The following RAP1GAP2 variants were observed in gnomAD, a reference collection of about 807,000 sequenced individuals.
The protein encoded by RAP1GAP2 is rap1 GTPase-activating protein 2.
In RAP1GAP2, 27 loss-of-function variants were observed where a neutral mutation model predicts 95.0. The observed-to-expected ratio is 0.28, with a 90% CI of 0.21 to 0.39. RAP1GAP2 has a LOEUF of 0.39. Among genes scored for constraint, RAP1GAP2 ranks in the 10% least tolerant of loss-of-function variants. RAP1GAP2 has a pLI of 1.00. For missense variants in RAP1GAP2, 771 were observed against 970.0 expected (o/e 0.79, Z 2.72); for synonymous variants, 373 against 380.9 (o/e 0.98, Z 0.24).
intron 1 of RAP1GAP2, among the ~76,000 whole-genome samples, chr17:2,799,306 G>C (rs1415988674): frequency 6.6e-6 from 1 of 152,218 alleles, no homozygotes; most frequent in African/African-American, 2.4e-5. Flanking sequence ...GAGGACGTGT[G>C]AGGAAGAAAC....
intron 1 of RAP1GAP2, among the ~76,000 whole-genome samples, chr17:2,780,376 G>A (rs2068616505): frequency 1.3e-5 from 2 of 152,172 alleles, no homozygotes; most frequent in South Asian, 2.1e-4. Context: ...TTTTTTCCAC[G>A]GTGTCCACCT....
chr17:2,901,107 A>C (rs1034345143), intron 2 of RAP1GAP2, among the ~76,000 whole-genome samples: 3 of 152,104 alleles, frequency 2.0e-5, no homozygotes, highest in Admixed American at 6.5e-5. Flanking sequence ...TTTCCTCCAG[A>C]GATTTGCATT....
In RAP1GAP2 at chr17:3,004,034, GCTGGGGCTGCCCT is replaced by G. The variant is rs2046254720; in HGVS notation, c.1201-1330_1201-1318del. On this transcript the variant is annotated intron_variant, in intron 14 of 24. Coordinates refer to ENST00000254695, the MANE Select transcript of RAP1GAP2 (RefSeq NM_015085.5). This position sits in a 1 kb window ranked among gnomAD's most constrained non-coding sequence, Gnocchi z 4.1. ...GGGGGAGTGGGGTGGGAAGGGCAGA[GCTGGGGCTGCCCT>G]CTGGCCTCTGTCCCAGGTGCCCACG... Among the ~76,000 whole-genome samples the G allele has an allele frequency of 6.6e-6, 1 of 152,162 alleles. No individual in the cohort carries two copies. The highest frequency in any genetic ancestry group is 2.1e-4 in the South Asian group (1 of 4,834).
chr17:2,784,194 C>A (rs1400898234), intron 1 of RAP1GAP2, among the ~76,000 whole-genome samples: 2 of 151,940 alleles, frequency 1.3e-5, no homozygotes, highest in Non-Finnish European at 2.9e-5. Context: ...AGGATGGTCT[C>A]GAATTCCTGA....
chr17:2,820,892 G>GTTTT (rs59814346), intron 2 of RAP1GAP2, among the ~76,000 whole-genome samples: 2 of 104,090 alleles, frequency 1.9e-5, no homozygotes, highest in East Asian at 2.6e-4. Context: ...CCGGATAATG[G>GTTTT]TTTTTTTTTT....
Position 3,033,122 on chromosome 17 carries a change from CA to C in RAP1GAP2, c.*31-269del, listed in dbSNP as rs1468185286. 6.5e-6 allele frequency: 1 copy of C among 152,798 alleles called. No homozygotes were observed. The allele number at this position is 152,798 out of a possible 1,614,324, so 9.5% of individuals were successfully genotyped here. A position where few individuals can be genotyped will look rare whatever the true frequency, so the allele number is the denominator to read the frequency against. On this transcript the variant is annotated intron_variant, in intron 24 of 24. Transcript: ENST00000254695. This position sits in a 1 kb window ranked among gnomAD's most constrained non-coding sequence, Gnocchi z 4.9. ...GTGTTCAACCTGATTTATGAAAAAG[CA>C]GAAGACAAATGGGCATATGGACCTT...
intron 3 of RAP1GAP2, among the ~76,000 whole-genome samples, chr17:2,931,280 T>TGTGTGTGTGTG (rs2043143190): frequency 0.013 from 1,946 of 146,748 alleles, 51 homozygotes; most frequent in African/African-American, 0.047. Flanking sequence ...TGAGTGTTTC[T>TGTGTGTGTGTG]TGTGTGTGTG....
intron 17 of RAP1GAP2, among the ~76,000 whole-genome samples, chr17:3,013,627 C>CTT (rs71377568): frequency 0.086 from 6,570 of 76,658 alleles, 637 homozygotes; most frequent in African/African-American, 0.095. Context: ...CTTTTCTTTT[C>CTT]TTTTCTTTTT....
chr17:2,804,718 T>C (rs553971970), intron 2 of RAP1GAP2, among the ~76,000 whole-genome samples: 1 of 152,268 alleles, frequency 6.6e-6, no homozygotes, highest in South Asian at 2.1e-4. Flanking sequence ...AGGATTTACT[T>C]AACTGCAGTG....
chr17:2,983,343 C>G (rs1026733310), intron 10 of RAP1GAP2, among the ~76,000 whole-genome samples: 11 of 152,044 alleles, frequency 7.2e-5, no homozygotes, highest in Non-Finnish European at 1.2e-4. Context: ...TTGAACCTTT[C>G]ACACTGGTGC....
Position 2,855,697 on chromosome 17 carries a change from C to T in RAP1GAP2, c.81-49587C>T, listed in dbSNP as rs2072104614. Among the ~76,000 whole-genome samples the T allele has an allele frequency of 6.6e-6, 1 of 152,210 alleles. No individual in the cohort carries two copies. Among genetic ancestry groups the T allele is most frequent in the South Asian group, 2.1e-4 (1 of 4,832 alleles). The stretch of plus-strand genomic sequence containing the variant: ...GCGCCATCTCGGCCCACTGCAACCT[C>T]CACCTCCTGGGCTCAAACAATTCTC... On this transcript the variant is annotated intron_variant, in intron 2 of 24. Coordinates refer to ENST00000254695, the MANE Select transcript of RAP1GAP2 (RefSeq NM_015085.5). The surrounding 1 kb of genome is among the most constrained non-coding windows in gnomAD (Gnocchi z 4.3).
intron 3 of RAP1GAP2, among the ~76,000 whole-genome samples, chr17:2,912,726 A>G (rs2042430825): frequency 6.6e-6 from 1 of 152,140 alleles, no homozygotes; most frequent in Non-Finnish European, 1.5e-5. Flanking sequence ...CGCTCCGGAC[A>G]TGGTTGGGAT....
At chr17:2,929,975 C>T (rs998233537) in intron 3 of RAP1GAP2, among the ~76,000 whole-genome samples, 1 of 152,228 alleles carries the variant, frequency 6.6e-6, no homozygotes, top group Non-Finnish European at 1.5e-5. Flanking sequence ...CTCCCGGAGC[C>T]ACCTGCTCAC....
chr17:2,853,177 CG>C (rs1483479828), intron 2 of RAP1GAP2, among the ~76,000 whole-genome samples: 8 of 152,166 alleles, frequency 5.3e-5, no homozygotes, highest in African/African-American at 1.9e-4. Context: ...TGCGGGGAGG[CG>C]GGGGCAGAAT....
At chr17:2,969,179 C>CTATCTATCTATATA (rs1555581850) in intron 8 of RAP1GAP2, among the ~76,000 whole-genome samples, 99 of 143,220 alleles carry the variant, frequency 6.9e-4, no homozygotes, top group African/African-American at 2.3e-3. Context: ...ATCTATCTAT[C>CTATCTATCTATATA]TATATATATA....
intron 2 of RAP1GAP2, chr17:2,770,545 A>G (rs2068370157): frequency 5.0e-6 from 2 of 397,436 alleles, no homozygotes. Context: ...CCACAAATCC[A>G]CCATGGGGAA....
Position 3,026,429 on chromosome 17 carries a change from G to T in RAP1GAP2, c.1945G>T (p.Gly649Trp). Residue 649 changes from glycine to tryptophan, a missense_variant, in exon 21 of 25, where the codon GGG (glycine) becomes TGG (tryptophan). Gly to Trp is a radical substitution (Grantham distance 184). Transcript: ENST00000254695. ...SSTSSVSSTAGEGEAMEEGDS... is the reference protein window; with the variant it reads ...SSTSSVSSTAWEGEAMEEGDS... ...CACCAGCAGCGTCAGCAGCACTGCA[G>T]GGGAGGGCGAGGCCATGGAGGAGGG... The T allele has an allele frequency of 6.4e-7, 1 of 1,552,518 alleles. No individual in the cohort carries two copies. The highest frequency in any genetic ancestry group is 1.2e-5 in the South Asian group (1 of 84,088).
At chr17:2,979,709 C>G (rs1172644103) in intron 8 of RAP1GAP2, among the ~76,000 whole-genome samples, 1 of 146,332 alleles carries the variant, frequency 6.8e-6, no homozygotes, top group Non-Finnish European at 1.5e-5. Context: ...TCGTGATCCA[C>G]CCTCTTTGGC....
At position 2,810,391 on chromosome 17, in the gene RAP1GAP2, A is replaced by C. The variant is rs182753538; in HGVS notation, c.80+9841A>C. On this transcript the variant is annotated intron_variant, in intron 2 of 24. Transcript: ENST00000254695. ...TTTTTTTAATTATACTTTAAGTTCT[A>C]GGGTACATGTGCACAACATGCAGGT... Among the ~76,000 whole-genome samples the C allele has an allele frequency of 5.6e-3, 857 of 151,684 alleles. 6 individuals are homozygous for C. Among genetic ancestry groups the C allele is most frequent in the Admixed American group, 0.015 (224 of 15,196 alleles).
Sources: gnomAD v4.1 joint callset for allele counts (sites outside exome capture counted in the v4.1 genomes callset) on GRCh38, gnomAD v4.1.1 for gene constraint, Gnocchi (gnomAD v3.1) non-coding constraint, MANE v1.5 for transcripts, NCBI Gene and HGNC (gene_info 2026-07-23, HGNC 2026-07-21) for gene names.